Variants in ANO10 observed in about 807,000 individuals in gnomAD.
ANO10 encodes anoctamin 10.
In ANO10, 77 loss-of-function variants were observed where a neutral mutation model predicts 74.7. That is an observed-to-expected ratio of 1.03 (90% CI 0.86 to 1.25). The LOEUF (loss-of-function observed/expected upper bound fraction) is 1.25, where lower values mean the gene tolerates loss of function less well. Ranked by LOEUF, ANO10 falls within the 50% of genes most tolerant of loss-of-function variation. The pLI, the probability that ANO10 is intolerant of heterozygous loss-of-function variation, is 0.00. For missense variants in ANO10, 721 were observed against 778.1 expected, an observed-to-expected ratio of 0.93 and a Z score of 0.87; for synonymous variants, 279 against 284.9, an observed-to-expected ratio of 0.98 and a Z score of 0.21.
chr3:43,370,726 T>C (rs1259996965), intron 12 of ANO10, among the ~76,000 whole-genome samples: 1 of 152,254 alleles, frequency 6.6e-6, no homozygotes, highest in Non-Finnish European at 1.5e-5. Flanking sequence ...TGTGACTCAT[T>C]AAAACACCCA....
intron 12 of ANO10, among the ~76,000 whole-genome samples, chr3:43,410,974 G>A (rs982459503): frequency 2.0e-5 from 3 of 151,820 alleles, no homozygotes; most frequent in Non-Finnish European, 4.4e-5. Context: ...GCAGAAGATA[G>A]CACCTCCCTC....
At position 43,536,350 on chromosome 3, in the gene ANO10, C is replaced by G. The variant is rs557680286; in HGVS notation, c.1797+13370G>C. On this transcript the variant is annotated intron_variant, in intron 11 of 12. Coordinates refer to ENST00000292246, the MANE Select transcript of ANO10 (RefSeq NM_018075.5). ...TGCCCTTCTGCAAATCCTGATGATT[C>G]TAGAAGCACATGAATACCCTGTGCC... Among the ~76,000 whole-genome samples the G allele has an allele frequency of 3.9e-5, 6 of 152,296 alleles. No individual in the cohort carries two copies. In the East Asian group the frequency reaches 9.6e-4, roughly 24 times the overall value.
At chr3:43,485,974 A>G in intron 11 of ANO10, 1 of 237,424 alleles carries the variant, frequency 4.2e-6, no homozygotes. Flanking sequence ...ATTTTACCCC[A>G]AAGTATATTT....
At chr3:43,485,295 C>G (rs929654025) in intron 11 of ANO10, 4 of 577,336 alleles carry the variant, frequency 6.9e-6, no homozygotes, top group South Asian at 5.6e-5. Context: ...GTCGCAGACC[C>G]GCTGCTGACT....
At chr3:43,414,271 A>C (rs547897306) in intron 12 of ANO10, among the ~76,000 whole-genome samples, 7 of 152,338 alleles carry the variant, frequency 4.6e-5, no homozygotes, top group Admixed American at 2.6e-4. Flanking sequence ...AATAAAAAGA[A>C]GACGAAAATG....
chr3:43,409,902 TA>T (rs1251254699), intron 12 of ANO10, among the ~76,000 whole-genome samples: 1 of 152,230 alleles, frequency 6.6e-6, no homozygotes, highest in Non-Finnish European at 1.5e-5. Flanking sequence ...CTTTTTATAT[TA>T]CATTTGAATA....
At chr3:43,460,603 G>A (rs2075334925) in intron 11 of ANO10, among the ~76,000 whole-genome samples, 1 of 152,136 alleles carries the variant, frequency 6.6e-6, no homozygotes, top group Non-Finnish European at 1.5e-5. Flanking sequence ...ATGAAGGCCT[G>A]AGCCAGCCAT....
intron 12 of ANO10, among the ~76,000 whole-genome samples, chr3:43,393,934 C>T (rs1261152410): frequency 1.3e-5 from 2 of 152,104 alleles, no homozygotes; most frequent in Non-Finnish European, 2.9e-5. Flanking sequence ...TACCTGCTGC[C>T]CAGCCCCTAA....
At chr3:43,595,576 A>T in intron 4 of ANO10, among the ~76,000 whole-genome samples, 1 of 152,202 alleles carries the variant, frequency 6.6e-6, no homozygotes, top group East Asian at 1.9e-4. Flanking sequence ...TCATGCTAAA[A>T]ACTCTCAATA....
chr3:43,674,694 G>A (rs1233568499), intron 1 of ANO10, among the ~76,000 whole-genome samples: 2 of 152,180 alleles, frequency 1.3e-5, no homozygotes, highest in Non-Finnish European at 2.9e-5. Flanking sequence ...GGGAGAAAGA[G>A]GGACTGGGTA....
intron 1 of ANO10, among the ~76,000 whole-genome samples, chr3:43,609,582 T>C (rs140645970): frequency 8.1e-4 from 123 of 152,266 alleles, no homozygotes; most frequent in African/African-American, 2.8e-3. Context: ...TTCTGAGAAA[T>C]GGGCAGTTTC....
intron 11 of ANO10, among the ~76,000 whole-genome samples, chr3:43,481,905 G>T (rs1212919798): frequency 2.0e-5 from 3 of 149,802 alleles, no homozygotes; most frequent in Non-Finnish European, 4.4e-5. Context: ...TGTATTGATT[G>T]ATGTCTTTTT....
chr3:43,646,821 T>C (rs2083731084), intron 1 of ANO10, among the ~76,000 whole-genome samples: 1 of 152,212 alleles, frequency 6.6e-6, no homozygotes, highest in Non-Finnish European at 1.5e-5. Flanking sequence ...CTTCTTTCTT[T>C]ACATAGACTC....
intron 11 of ANO10, among the ~76,000 whole-genome samples, chr3:43,438,554 G>A (rs139607573): frequency 0.012 from 1,798 of 152,130 alleles, 32 homozygotes; most frequent in African/African-American, 0.04. Context: ...AGACAAGCCT[G>A]ACCAACATGG....
At chr3:43,595,423 G>A (rs1299749015) in intron 4 of ANO10, among the ~76,000 whole-genome samples, 1 of 152,202 alleles carries the variant, frequency 6.6e-6, no homozygotes, top group African/African-American at 2.4e-5. Flanking sequence ...CCATGATCAA[G>A]TGGGCTTCAT....
chr3:43,446,381 A>G (rs1169436975), intron 11 of ANO10, among the ~76,000 whole-genome samples: 1 of 152,258 alleles, frequency 6.6e-6, no homozygotes, highest in African/African-American at 2.4e-5. Flanking sequence ...TGAAAGAAGT[A>G]AAGCCAACTG....
intron 4 of ANO10, among the ~76,000 whole-genome samples, chr3:43,581,622 C>T (rs2081264048): frequency 6.6e-6 from 1 of 152,074 alleles, no homozygotes; most frequent in Admixed American, 6.6e-5. Context: ...AATATGGTTG[C>T]TTATAAAATG....
intron 11 of ANO10, among the ~76,000 whole-genome samples, chr3:43,477,997 T>C (rs1220156032): frequency 3.9e-5 from 6 of 152,218 alleles, no homozygotes; most frequent in African/African-American, 1.4e-4. Context: ...GTTCACACTT[T>C]ACCACAATGC....
intron 8 of ANO10, among the ~76,000 whole-genome samples, chr3:43,563,829 C>T (rs946539044): frequency 1.3e-5 from 2 of 151,880 alleles, no homozygotes; most frequent in Admixed American, 6.6e-5. Flanking sequence ...AGTGGGACGA[C>T]GGTTACCAGA....
Sources: allele counts gnomAD v4.1 joint callset (sites outside exome capture counted in the v4.1 genomes callset), GRCh38; gene constraint gnomAD v4.1.1; transcripts MANE v1.5; gene names NCBI Gene and HGNC (gene_info 2026-07-23, HGNC 2026-07-21).